The following IAPP variants were observed in gnomAD, a reference collection of about 807,000 sequenced individuals.
The protein encoded by IAPP is Islet amyloid polypeptide (diabetes-associated peptide; amylin).
Under a neutral mutation model 2.9 loss-of-function variants are expected in IAPP, and 4 were observed. The observed-to-expected ratio is 1.39, with a 90% CI of 0.69 to 3.19. IAPP has a LOEUF of 3.19. IAPP is among the 30% of genes most tolerant of loss of function. The probability of loss-of-function intolerance (pLI) is 0.01; values close to 1 mark genes in which losing one functional copy is unlikely to be tolerated. For synonymous variants in IAPP, 40 were observed against 42.1 expected, an observed-to-expected ratio of 0.95 and a Z score of 0.19; for missense variants, 114 against 105.3, an observed-to-expected ratio of 1.08 and a Z score of -0.36.
rs746773690 is a variant in IAPP at position 21,373,335 on chromosome 12, A to C, written c.-15-2A>C. On this transcript the variant is annotated splice_acceptor_variant, in intron 1 of 2. Coordinates refer to ENST00000240652, the MANE Select transcript of IAPP (RefSeq NM_000415.3). LOFTEE classifies it low-confidence loss of function (5UTR_SPLICE). ...ATTTCAGTGCTGGATTATTCTTTGC[A>C]GAAAATTTGAGAAGCAATGGGCATC... The C allele has an allele frequency of 6.2e-5, 98 of 1,578,620 alleles. No individual in the cohort carries two copies. The Admixed American group carries it at 1.6e-3, about 26-fold the overall frequency.
rs545803237 is a variant in IAPP at position 21,365,175 on chromosome 12, C to T, written c.-15-8162C>T. On this transcript the variant is annotated intron_variant, in intron 1 of 2. Coordinates refer to the IAPP transcript ENST00000539393. ...TACAAGGCTACAGTAACCAAAACAG[C>T]ATGGTACTGGTACCAAAACAGAGAT... Among the ~76,000 whole-genome samples the T allele has an allele frequency of 6.6e-5, 10 of 152,268 alleles. No individual in the cohort carries two copies. In the South Asian group the frequency reaches 2.1e-3, roughly 32 times the overall value.
chr12:21,369,996 T>C (rs1211644230), upstream of IAPP, among the ~76,000 whole-genome samples: 1 of 152,210 alleles, frequency 6.6e-6, no homozygotes, highest in African/African-American at 2.4e-5. Flanking sequence ...TAAGGTCACA[T>C]CTGGCTATAA....
chr12:21,376,392 G>T (rs1324064806), intron 2 of IAPP: 1 of 305,476 alleles, frequency 3.3e-6, no homozygotes, highest in South Asian at 2.6e-5. Flanking sequence ...CAATGCAAAT[G>T]TATGAAATTA....
chr12:21,378,347 AC>A lies in IAPP; in HGVS notation c.192del (p.Asn64LysfsTer13), dbSNP rs778491265. 1.9e-6 allele frequency: 3 copies of A among 1,614,148 alleles called. No individual in the cohort carries two copies. Among genetic ancestry groups the A allele is most frequent in the Non-Finnish European group, 2.5e-6 (3 of 1,179,998 alleles). On this transcript the variant is annotated frameshift_variant, in exon 3 of 3. Transcript: ENST00000240652. LOFTEE classifies it high-confidence loss of function. ...TTTGGTGCCATTCTCTCATCTACCA[AC>A]GTGGGATCCAATACATATGGCAAGA... ...NNFGAILSST[N>X]VGSNTYGKRN...
intron 2 of IAPP, chr12:21,376,333 C>A (rs1002059648): frequency 5.6e-6 from 2 of 356,248 alleles, no homozygotes; most frequent in African/African-American, 2.2e-5. Context: ...ATGTTTGGAC[C>A]AAATTCCAAT....
chr12:21,362,465 T>C lies in IAPP; in HGVS notation c.-16+7452T>C, dbSNP rs117237628. On this transcript the variant is annotated intron_variant, in intron 1 of 2. Transcript: ENST00000539393. ...AAAACATGCCAAATTGTAAAGACCA[T>C]TGGTACTAGGAGGAAACTGCATCAA... Among the ~76,000 whole-genome samples, 243 of 152,172 alleles carry C rather than the reference T, an allele frequency of 1.6e-3. 2 individuals are homozygous for C. The East Asian group carries it at 0.039, about 25-fold the overall frequency.
At position 21,379,740 on chromosome 12, in the gene IAPP, T is replaced by C. The variant is rs1378459133; in HGVS notation, c.*1314T>C. On this transcript the variant is annotated 3_prime_UTR_variant, in exon 3 of 3. Transcript: ENST00000240652. ...TTTCTAAAGACACTCAACTTGTACT[T>C]TTAAAAAAATAGAAAAAATAAGCAT... 6.6e-6 allele frequency: 1 copy of C among 152,086 alleles called. No homozygotes were observed. The highest frequency in any genetic ancestry group is 1.5e-5 in the Non-Finnish European group (1 of 68,024). 9.4% of individuals were successfully genotyped at this position (152,086 alleles called of 1,614,324 possible). A position where few individuals can be genotyped will look rare whatever the true frequency, so the allele number is the denominator to read the frequency against.
chr12:21,370,724 T>A (rs1346456331), upstream of IAPP, among the ~76,000 whole-genome samples: 1 of 152,214 alleles, frequency 6.6e-6, no homozygotes, highest in East Asian at 1.9e-4. Flanking sequence ...CAAGTATTTT[T>A]GTCTAAATGA....
At chr12:21,376,312 C>CT (rs1309538859) in intron 2 of IAPP, 5 of 351,292 alleles carry the variant, frequency 1.4e-5, no homozygotes, top group South Asian at 4.3e-5. Flanking sequence ...TCCTTTATTA[C>CT]TTTTTTTGAG....
chr12:21,378,579 T>C lies in IAPP; in HGVS notation c.*153T>C. On this transcript the variant is annotated 3_prime_UTR_variant, in exon 3 of 3. Transcript: ENST00000240652. ...CCTTCTCAAAAGATTGTTTTATATG[T>C]AGTACTAACTAAGGTCCCATAATAA... The C allele has an allele frequency of 1.6e-6, 1 of 611,926 alleles. No individual in the cohort carries two copies. The highest frequency in any genetic ancestry group is 2.1e-5 in the South Asian group (1 of 47,566). 37.9% of individuals were successfully genotyped at this position (611,926 alleles called of 1,614,324 possible).
intron 1 of IAPP, among the ~76,000 whole-genome samples, chr12:21,358,973 C>T (rs1938595758): frequency 6.6e-6 from 1 of 151,998 alleles, no homozygotes; most frequent in South Asian, 2.1e-4. Flanking sequence ...TGGAAGGTGG[C>T]AAAAGACTGA....
intron 2 of IAPP, among the ~76,000 whole-genome samples, chr12:21,377,769 T>C (rs1400954432): frequency 6.6e-6 from 1 of 152,244 alleles, no homozygotes; most frequent in Non-Finnish European, 1.5e-5. Context: ...ACACTCCTGA[T>C]TCAATTATCT....
intron 2 of IAPP, among the ~76,000 whole-genome samples, chr12:21,373,996 T>C (rs1429763225): frequency 1.3e-5 from 2 of 152,216 alleles, no homozygotes; most frequent in African/African-American, 4.8e-5. Context: ...GGATTTATTC[T>C]ATATTGCTAG....
At chr12:21,359,739 T>C (rs1355832377) in intron 1 of IAPP, among the ~76,000 whole-genome samples, 2 of 136,364 alleles carry the variant, frequency 1.5e-5, no homozygotes, top group Non-Finnish European at 3.1e-5. Flanking sequence ...AGAGCGAGAC[T>C]CCGTCTTAAA....
intron 1 of IAPP, among the ~76,000 whole-genome samples, chr12:21,363,105 A>G (rs577934689): frequency 7.9e-5 from 12 of 152,166 alleles, no homozygotes; most frequent in Non-Finnish European, 1.8e-4. Flanking sequence ...CTTCTCAGCA[A>G]CACATCACAC....
intron 1 of IAPP, among the ~76,000 whole-genome samples, chr12:21,358,740 C>T (rs1047428611): frequency 4.2e-5 from 6 of 141,494 alleles, no homozygotes; most frequent in East Asian, 2.2e-4. Context: ...AAATAAAAAG[C>T]GGTTTGTTGG....
chr12:21,362,493 A>G (rs1165798141), intron 1 of IAPP, among the ~76,000 whole-genome samples: 2 of 152,186 alleles, frequency 1.3e-5, no homozygotes, highest in Non-Finnish European at 2.9e-5. Context: ...TGCATCAACT[A>G]ATGAGCAAAA....
In IAPP at chr12:21,373,425, T is replaced by C. The variant is rs1939946378; in HGVS notation, c.74T>C (p.Ile25Thr). ...TTGAACCATCTGAAAGCTACACCCA[T>C]TGAAAGGTTGGTAACTTTAAAATCC... ...VALNHLKATP[I>T]ESHQVEKRKC... Residue 25 changes from isoleucine (I) to threonine (T), a missense_variant, in exon 2 of 3, where the codon ATT becomes ACT. By Grantham distance (89) the Ile-to-Thr change is moderately conservative. Transcript: ENST00000240652. The C allele has an allele frequency of 6.2e-7, 1 of 1,610,074 alleles. No homozygotes were observed. The highest frequency in any genetic ancestry group is 1.1e-5 in the South Asian group (1 of 90,998).
chr12:21,355,051 C>T (rs944167113), intron 1 of IAPP: 4 of 152,098 alleles, frequency 2.6e-5, no homozygotes, highest in African/African-American at 9.7e-5. Context: ...TTCAAAAATA[C>T]ACTAAATCAC....
Sources: gnomAD v4.1 joint callset for allele counts (sites outside exome capture counted in the v4.1 genomes callset) on GRCh38, gnomAD v4.1.1 for gene constraint, MANE v1.5 for transcripts, NCBI Gene and HGNC (gene_info 2026-07-23, HGNC 2026-07-21) for gene names.